MAP3K5: variants seen among roughly 807,000 people sequenced by gnomAD.
The protein encoded by MAP3K5 is ASK-1.
A neutral mutation model predicts 158.7 loss-of-function variants in MAP3K5; 56 were observed. The observed-to-expected ratio is 0.35, with a 90% CI of 0.28 to 0.44. MAP3K5 has a LOEUF of 0.44. Ranked by LOEUF, MAP3K5 falls within the 20% of genes least tolerant of loss-of-function variation. The pLI, the probability that MAP3K5 is intolerant of heterozygous loss-of-function variation, is 1.00. For synonymous variants in MAP3K5, 579 were observed against 601.7 expected (o/e 0.96, Z 0.55); for missense variants, 1,294 against 1,674.8 (o/e 0.77, Z 3.97).
intron 11 of MAP3K5, among the ~76,000 whole-genome samples, chr6:136,645,374 AT>A (rs1484354579): frequency 6.6e-6 from 1 of 152,098 alleles, no homozygotes; most frequent in Non-Finnish European, 1.5e-5. Flanking sequence ...TCCCTCATAA[AT>A]TTCCTGGGCC....
At chr6:136,583,280 T>C (rs1774970309) in intron 24 of MAP3K5, among the ~76,000 whole-genome samples, 1 of 152,198 alleles carries the variant, frequency 6.6e-6, no homozygotes, top group Admixed American at 6.5e-5. Flanking sequence ...TGACCCAACA[T>C]AATTTCATAA....
At chr6:136,648,086 A>G (rs1242689412) in intron 11 of MAP3K5, 1 of 152,110 alleles carries the variant, frequency 6.6e-6, no homozygotes, top group Non-Finnish European at 1.5e-5. Flanking sequence ...CCCTCTATTT[A>G]CTGCACTCAT....
chr6:136,604,308 C>A (rs1172004581), intron 19 of MAP3K5, among the ~76,000 whole-genome samples: 2 of 144,112 alleles, frequency 1.4e-5, no homozygotes, highest in African/African-American at 2.6e-5. Context: ...GGTGATAGAT[C>A]GAGACTCTGT....
At chr6:136,672,033 G>A (rs1779504896) in intron 7 of MAP3K5, among the ~76,000 whole-genome samples, 1 of 152,034 alleles carries the variant, frequency 6.6e-6, no homozygotes, top group South Asian at 2.1e-4. Context: ...CATTACAAGG[G>A]CATTTGTTAC....
chr6:136,761,586 T>C lies in MAP3K5; in HGVS notation c.448+30124A>G, dbSNP rs147133632. Among the ~76,000 whole-genome samples the C allele has an allele frequency of 7.9e-3, 1,205 of 152,218 alleles. 19 individuals are homozygous for C. Among genetic ancestry groups the C allele is most frequent in the African/African-American group, 0.026 (1,089 of 41,514 alleles). On this transcript the variant is annotated intron_variant, in intron 1 of 29. Transcript: ENST00000359015. The stretch of plus-strand genomic sequence containing the variant: ...GGGAAAATAAGCACAGAAGGACAGA[T>C]GTGCACCAGGGTGAGGAGATCCCAA...
chr6:136,568,567 T>A (rs1288948646), intron 25 of MAP3K5, among the ~76,000 whole-genome samples: 1 of 152,166 alleles, frequency 6.6e-6, no homozygotes, highest in Non-Finnish European at 1.5e-5. Flanking sequence ...CACCTGCATG[T>A]CAGTTTAGAA....
At chr6:136,655,193 T>A (rs1778690598) in intron 10 of MAP3K5, among the ~76,000 whole-genome samples, 1 of 152,206 alleles carries the variant, frequency 6.6e-6, no homozygotes, top group African/African-American at 2.4e-5. Flanking sequence ...AGTTTTCTAG[T>A]CAATCAAGTC....
intron 1 of MAP3K5, among the ~76,000 whole-genome samples, chr6:136,745,237 G>A (rs943625017): frequency 6.7e-6 from 1 of 148,358 alleles, no homozygotes; most frequent in Non-Finnish European, 1.5e-5. Flanking sequence ...TTGAATAGAC[G>A]AAGATGACTA....
chr6:136,716,038 A>AAAAAAAAAAAAAAAAAAAAAAAAAAAAAC lies in MAP3K5; in HGVS notation c.588+4411_588+4412insGTTTTTTTTTTTTTTTTTTTTTTTTTTTT, dbSNP rs1781510518. ...AAGCAAGATCGTCTCAAAAAAAAAA[A>AAAAAAAAAAAAAAAAAAAAAAAAAAAAAC]AAAAAAAAAAAAAAAAAAAAAAAAA... On this transcript the variant is annotated intron_variant, in intron 2 of 29. Transcript: ENST00000359015. 1.9e-5 allele frequency among the ~76,000 whole-genome samples: 2 copies of AAAAAAAAAAAAAAAAAAAAAAAAAAAAAC among 104,908 alleles called. 1 individual carries two copies. Among genetic ancestry groups the AAAAAAAAAAAAAAAAAAAAAAAAAAAAAC allele is most frequent in the South Asian group, 6.1e-4 (2 of 3,302 alleles). 68.8% of individuals were successfully genotyped at this position (104,908 alleles called of 152,430 possible).
At chr6:136,702,344 C>T (rs1400386974) in intron 3 of MAP3K5, among the ~76,000 whole-genome samples, 1 of 152,148 alleles carries the variant, frequency 6.6e-6, no homozygotes, top group African/African-American at 2.4e-5. Flanking sequence ...CAGAAAAGCA[C>T]TTTTGCAAAA....
At chr6:136,726,202 T>C (rs958206708) in intron 1 of MAP3K5, among the ~76,000 whole-genome samples, 2 of 152,264 alleles carry the variant, frequency 1.3e-5, no homozygotes, top group African/African-American at 4.8e-5. Flanking sequence ...TGTTGATATC[T>C]ATCAATTGAT....
At chr6:136,717,882 TTTAAG>T (rs1385011107) in intron 2 of MAP3K5, among the ~76,000 whole-genome samples, 1 of 151,908 alleles carries the variant, frequency 6.6e-6, no homozygotes, top group African/African-American at 2.4e-5. Context: ...ACAGCAAAAG[TTTAAG>T]TTAATAGAAA....
At chr6:136,560,259 T>TAA (rs1830447573) in intron 28 of MAP3K5, among the ~76,000 whole-genome samples, 1 of 152,126 alleles carries the variant, frequency 6.6e-6, no homozygotes, top group African/African-American at 2.4e-5. Context: ...GGTGGGCAGA[T>TAA]CACTTGAGGC....
intron 11 of MAP3K5, among the ~76,000 whole-genome samples, chr6:136,643,149 T>A (rs572546661): frequency 8.5e-5 from 13 of 152,346 alleles, no homozygotes; most frequent in African/African-American, 3.1e-4. Flanking sequence ...TAATAAAGTA[T>A]GAACATCAAA....
chr6:136,782,812 C>T (rs538866332), intron 1 of MAP3K5, among the ~76,000 whole-genome samples: 30 of 152,286 alleles, frequency 2.0e-4, no homozygotes, highest in African/African-American at 7.0e-4. Flanking sequence ...TTTCTGTTTT[C>T]CTTTGGAAAA....
chr6:136,738,216 G>A (rs903058010), intron 1 of MAP3K5, among the ~76,000 whole-genome samples: 2 of 152,112 alleles, frequency 1.3e-5, no homozygotes, highest in Non-Finnish European at 2.9e-5. Context: ...GTGTCTTTAT[G>A]CATTCTACCA....
At position 136,592,422 on chromosome 6, in the gene MAP3K5, A is replaced by C. The variant is rs760009747; in HGVS notation, c.3056+15T>G. 6.8e-6 allele frequency: 11 copies of C among 1,612,854 alleles called. No homozygotes were observed. The South Asian group carries it at 9.9e-5, about 15-fold the overall frequency. ...ACAACACACTTCTCTCACCCCAAGTAAGTCAGGTCTTTACCCCAAAAAGAG... is the reference window on the plus strand; with the variant it reads ...ACAACACACTTCTCTCACCCCAAGTCAGTCAGGTCTTTACCCCAAAAAGAG... On this transcript the variant is annotated intron_variant, in intron 22 of 29. Transcript: ENST00000359015.
chr6:136,706,712 G>A (rs1158651047), intron 2 of MAP3K5, among the ~76,000 whole-genome samples: 1 of 152,092 alleles, frequency 6.6e-6, no homozygotes, highest in Non-Finnish European at 1.5e-5. Flanking sequence ...ATCCACATGG[G>A]GCAAAGAAGA....
At chr6:136,718,319 C>T (rs1038321529) in intron 2 of MAP3K5, among the ~76,000 whole-genome samples, 1 of 152,082 alleles carries the variant, frequency 6.6e-6, no homozygotes, top group Non-Finnish European at 1.5e-5. Context: ...AAGAGATTCT[C>T]ATGCCTCCCA....
Sources: gnomAD v4.1 joint callset for allele counts (sites outside exome capture counted in the v4.1 genomes callset) on GRCh38, gnomAD v4.1.1 for gene constraint, MANE v1.5 for transcripts, NCBI Gene and HGNC (gene_info 2026-07-23, HGNC 2026-07-21) for gene names.